ST7: variants seen among roughly 807,000 people sequenced by gnomAD.
ST7 encodes suppression of tumorigenicity 7.
In ST7, 28 loss-of-function variants were observed where a neutral mutation model predicts 78.7. The observed-to-expected ratio is 0.36, with a 90% CI of 0.26 to 0.49. ST7 has a LOEUF of 0.49. Among genes scored for constraint, ST7 ranks in the 20% least tolerant of loss-of-function variants. The probability of loss-of-function intolerance (pLI) is 0.99; values close to 1 mark genes in which losing one functional copy is unlikely to be tolerated. For synonymous variants in ST7, 247 were observed against 249.6 expected, an observed-to-expected ratio of 0.99 and a Z score of 0.10; for missense variants, 418 against 696.0, an observed-to-expected ratio of 0.60 and a Z score of 4.49.
chr7:116,966,247 C>CTT (rs374887005), intron 1 of ST7: 379 of 178,324 alleles, frequency 2.1e-3, no homozygotes, highest in Admixed American at 3.2e-3. Flanking sequence ...TTTTTTCTTT[C>CTT]TTTTTTTTTT....
intron 1 of ST7, among the ~76,000 whole-genome samples, chr7:117,044,474 G>C (rs1356660336): frequency 6.6e-6 from 1 of 152,106 alleles, no homozygotes; most frequent in Admixed American, 6.5e-5. Flanking sequence ...ACCCTCCCGA[G>C]TACCTGGGAG....
intron 1 of ST7, among the ~76,000 whole-genome samples, chr7:117,079,231 A>G (rs187740199): frequency 2.2e-4 from 33 of 152,302 alleles, no homozygotes; most frequent in Admixed American, 2.1e-3. Context: ...AGTAATCTAG[A>G]TATGGTTTAA....
intron 1 of ST7, among the ~76,000 whole-genome samples, chr7:117,055,642 C>T (rs2116402341): frequency 6.6e-6 from 1 of 152,258 alleles, no homozygotes; most frequent in Non-Finnish European, 1.5e-5. Flanking sequence ...CTTATTTGCT[C>T]AGTTGGGAAG....
chr7:116,989,071 G>T (rs1375725459), intron 1 of ST7, among the ~76,000 whole-genome samples: 1 of 152,080 alleles, frequency 6.6e-6, no homozygotes, highest in African/African-American at 2.4e-5. Flanking sequence ...CATTAACAAA[G>T]AGAAACAGAT....
chr7:116,982,547 A>G (rs1368870096), intron 1 of ST7, among the ~76,000 whole-genome samples: 2 of 152,024 alleles, frequency 1.3e-5, no homozygotes, highest in Non-Finnish European at 2.9e-5. Context: ...GATATAGCCT[A>G]TTTTTACTAA....
intron 1 of ST7, among the ~76,000 whole-genome samples, chr7:117,087,450 A>G (rs866479317): frequency 6.6e-6 from 1 of 152,332 alleles, no homozygotes; most frequent in African/African-American, 2.4e-5. Flanking sequence ...TCTCAGAGAA[A>G]GGAGACACAT....
rs186341498 is a variant in ST7 at position 117,026,862 on chromosome 7, G to A, written c.152-72900G>A. Among the ~76,000 whole-genome samples the A allele has an allele frequency of 1.1e-4, 16 of 152,340 alleles. No homozygotes were observed. The South Asian group carries it at 1.9e-3, about 18-fold the overall frequency. On this transcript the variant is annotated intron_variant, in intron 1 of 15. Transcript: ENST00000323984. ...GAGATGTCACTTCTTAAGGCTGGGT[G>A]AAGACTGGAAGTTGTATGATGGGAA...
chr7:117,211,820 T>G (rs543842219), intron 13 of ST7, among the ~76,000 whole-genome samples: 1 of 152,154 alleles, frequency 6.6e-6, no homozygotes, highest in East Asian at 1.9e-4. Context: ...AAAAGAAACA[T>G]GAAGTGAAAC....
chr7:117,167,071 G>GT (rs140708090), intron 9 of ST7, among the ~76,000 whole-genome samples: 18,622 of 149,698 alleles, frequency 0.12, 2,188 homozygotes, highest in African/African-American at 0.3. Flanking sequence ...TTTTTACTTT[G>GT]TTTTTTTTAA....
intron 1 of ST7, among the ~76,000 whole-genome samples, chr7:117,049,900 C>T (rs1323599441): frequency 9.9e-5 from 15 of 152,002 alleles, no homozygotes; most frequent in Admixed American, 5.2e-4. Flanking sequence ...TTGTACTAAA[C>T]GTGATGAAAA....
intron 9 of ST7, among the ~76,000 whole-genome samples, chr7:117,143,519 T>C (rs1805500381): frequency 6.6e-6 from 1 of 152,222 alleles, no homozygotes; most frequent in Non-Finnish European, 1.5e-5. Context: ...GTTTTAAATA[T>C]CATCTCAATG....
chr7:117,055,970 A>G lies in ST7; in HGVS notation c.152-43792A>G, dbSNP rs551606895. Among the ~76,000 whole-genome samples, 7 of 152,288 alleles carry G rather than the reference A, an allele frequency of 4.6e-5. No individual in the cohort carries two copies. The South Asian group carries it at 1.0e-3, about 23-fold the overall frequency. Reference sequence around the variant, plus strand: ...TCAATACTGAAGAACTTGGAGTCCAATATTTGAGGGCAGGAAGCATCCAGC... The same window carrying G: ...TCAATACTGAAGAACTTGGAGTCCAGTATTTGAGGGCAGGAAGCATCCAGC... On this transcript the variant is annotated intron_variant, in intron 1 of 15. Coordinates refer to ENST00000323984, the MANE Select transcript of ST7 (RefSeq NM_001369598.1).
chr7:117,218,588 T>C (rs1441165210), intron 13 of ST7, among the ~76,000 whole-genome samples: 1 of 152,234 alleles, frequency 6.6e-6, no homozygotes, highest in African/African-American at 2.4e-5. Context: ...TTTGTTTTTA[T>C]TCATCTTGAT....
At chr7:117,027,286 C>T (rs1031294019) in intron 1 of ST7, among the ~76,000 whole-genome samples, 3 of 151,784 alleles carry the variant, frequency 2.0e-5, no homozygotes, top group African/African-American at 4.8e-5. Context: ...TACTGAAATA[C>T]AAAAATTAGC....
At chr7:117,015,054 T>G in intron 1 of ST7, 1 of 1,017,026 alleles carries the variant, frequency 9.8e-7, no homozygotes, top group South Asian at 2.8e-5. Context: ...TATGTAGAAT[T>G]ACTTTAAAAA....
chr7:117,011,397 T>C (rs1439775915), intron 1 of ST7, among the ~76,000 whole-genome samples: 3 of 152,180 alleles, frequency 2.0e-5, no homozygotes, highest in African/African-American at 7.2e-5. Flanking sequence ...AGGAGTTACT[T>C]GAGTTTTCTC....
intron 5 of ST7, among the ~76,000 whole-genome samples, chr7:117,130,934 T>A (rs1328269215): frequency 1.3e-5 from 2 of 151,892 alleles, no homozygotes; most frequent in African/African-American, 4.8e-5. Context: ...ATCTCCTTTA[T>A]GATATTCAAA....
At chr7:117,113,051 A>T (rs1802561100) in intron 2 of ST7, among the ~76,000 whole-genome samples, 1 of 152,202 alleles carries the variant, frequency 6.6e-6, no homozygotes, top group African/African-American at 2.4e-5. Context: ...TGAATGAGCT[A>T]ATGGCGGATA....
intron 1 of ST7, among the ~76,000 whole-genome samples, chr7:116,998,908 G>A (rs1222715579): frequency 6.6e-6 from 1 of 152,220 alleles, no homozygotes; most frequent in Admixed American, 6.5e-5. Flanking sequence ...CTATCTCTCT[G>A]CACTATCAGG....
Sources: allele counts gnomAD v4.1 joint callset (sites outside exome capture counted in the v4.1 genomes callset), GRCh38; gene constraint gnomAD v4.1.1; transcripts MANE v1.5; gene names NCBI Gene and HGNC (gene_info 2026-07-23, HGNC 2026-07-21).